TJP1: variants seen among roughly 807,000 people sequenced by gnomAD.
TJP1 encodes the protein tight junction protein 1.
TJP1 carries 43 observed loss-of-function variants against 194.2 expected under a neutral mutation model. That is an observed-to-expected ratio of 0.22 (90% CI 0.17 to 0.29). The LOEUF is 0.29. Among genes scored for constraint, TJP1 ranks in the 10% least tolerant of loss-of-function variants. The pLI is 1.00. For synonymous variants in TJP1, 801 were observed against 779.0 expected (o/e 1.03, Z -0.47); for missense variants, 1,971 against 2,185.7 (o/e 0.90, Z 1.96).
chr15:29,966,899 T>C (rs1215829432), intron 1 of TJP1, among the ~76,000 whole-genome samples: 1 of 152,214 alleles, frequency 6.6e-6, no homozygotes, highest in East Asian at 1.9e-4. Context: ...CCCTTCTTCC[T>C]TCACTGTAGT....
At chr15:29,841,314 A>G (rs1450574433) in intron 2 of TJP1, among the ~76,000 whole-genome samples, 2 of 152,296 alleles carry the variant, frequency 1.3e-5, no homozygotes, top group Admixed American at 6.5e-5. Flanking sequence ...ATTCAGGGGG[A>G]AAATATTTCA....
At chr15:29,918,630 C>T (rs923877022) in intron 2 of TJP1, among the ~76,000 whole-genome samples, 4 of 151,802 alleles carry the variant, frequency 2.6e-5, no homozygotes, top group East Asian at 1.9e-4. Flanking sequence ...TCCAGCTACT[C>T]GGGAGGCTGA....
intron 2 of TJP1, among the ~76,000 whole-genome samples, chr15:29,905,792 A>G (rs1018146684): frequency 6.6e-6 from 1 of 152,250 alleles, no homozygotes; most frequent in Non-Finnish European, 1.5e-5. Context: ...TATGATTCCA[A>G]CTATCTGACA....
chr15:29,797,739 C>T (rs925500577), intron 2 of TJP1, among the ~76,000 whole-genome samples: 3 of 152,062 alleles, frequency 2.0e-5, no homozygotes, highest in Non-Finnish European at 4.4e-5. Flanking sequence ...ACTACTGCAA[C>T]TCAACAACTA....
intron 27 of TJP1, among the ~76,000 whole-genome samples, chr15:29,702,494 A>G (rs2041612098): frequency 6.6e-6 from 1 of 152,216 alleles, no homozygotes. Context: ...TTACAGAAGT[A>G]GCTCTCAAAC....
At chr15:29,944,786 T>C (rs2055217237) in intron 2 of TJP1, among the ~76,000 whole-genome samples, 1 of 152,234 alleles carries the variant, frequency 6.6e-6, no homozygotes, top group Admixed American at 6.5e-5. Flanking sequence ...TTTTTGTTTA[T>C]TTTATAAAGT....
At chr15:29,788,252 G>A (rs2047833363) in intron 2 of TJP1, among the ~76,000 whole-genome samples, 2 of 152,046 alleles carry the variant, frequency 1.3e-5, no homozygotes, top group African/African-American at 4.8e-5. Context: ...TTCCCATTCT[G>A]TGGAATATCT....
chr15:29,746,821 T>C (rs192401471), intron 8 of TJP1, among the ~76,000 whole-genome samples: 3 of 152,284 alleles, frequency 2.0e-5, no homozygotes, highest in East Asian at 3.9e-4. Flanking sequence ...GTTTCTATTT[T>C]TGTATTCTTT....
intron 2 of TJP1, among the ~76,000 whole-genome samples, chr15:29,846,483 C>T (rs1210577245): frequency 6.6e-6 from 1 of 151,956 alleles, no homozygotes; most frequent in African/African-American, 2.4e-5. Flanking sequence ...GAAGGGAGAC[C>T]TGGATAAAAG....
intron 2 of TJP1, among the ~76,000 whole-genome samples, chr15:29,881,963 A>G (rs1376684898): frequency 1.3e-5 from 2 of 151,516 alleles, no homozygotes; most frequent in African/African-American, 2.4e-5. Flanking sequence ...ATAGATATAT[A>G]TATTTTTAGT....
chr15:29,822,492 T>C (rs1165415984), upstream of TJP1: 2 of 982,216 alleles, frequency 2.0e-6, no homozygotes, highest in East Asian at 2.4e-4. Flanking sequence ...CCCGGCCCAC[T>C]GAGCATGCCC....
Position 29,772,113 on chromosome 15 carries a change from T to C in TJP1, c.263A>G (p.His88Arg). The change falls in exon 4 of 28, where the codon CAT (histidine) becomes CGT (arginine). Residue 88 changes from histidine (H) to arginine (R), a missense_variant. This residue lies in a region of TJP1 where 245 missense variants were observed against 336.6 expected (regional missense o/e 0.73). Coordinates refer to ENST00000614355, the MANE Select transcript of TJP1 (RefSeq NM_001330239.4). ...VNGVSMDNVE[H>R]AFAVQQLRKS... is the part of the protein sequence containing the mutation. ...CCTTAGTTGCTGAACAGCAAAAGCA[T>C]GTTCAACATTATCCATTGAAACTCC... 1.2e-6 allele frequency: 2 copies of C among 1,606,138 alleles called. No homozygotes were observed. Among genetic ancestry groups the C allele is most frequent in the Non-Finnish European group, 8.5e-7 (1 of 1,177,678 alleles).
intron 2 of TJP1, among the ~76,000 whole-genome samples, chr15:29,844,289 G>A (rs756754085): frequency 1.9e-4 from 29 of 152,080 alleles, no homozygotes; most frequent in South Asian, 4.1e-4. Flanking sequence ...GGCTGATCTC[G>A]AACACCTGAC....
At chr15:29,717,855 T>C (rs139504904) in intron 22 of TJP1, among the ~76,000 whole-genome samples, 166 bp downstream of exon 22, 9 of 152,276 alleles carry the variant, frequency 5.9e-5, no homozygotes, top group African/African-American at 1.9e-4. Context: ...TTCTACTTTT[T>C]TTCCCCCTAG....
In TJP1 at chr15:29,703,646, C is replaced by A. The variant is rs183049140; in HGVS notation, c.5212+516G>T. 2.0e-3 allele frequency among the ~76,000 whole-genome samples: 296 copies of A among 151,358 alleles called. 3 individuals carry two copies. The highest frequency in any genetic ancestry group is 6.1e-3 in the African/African-American group (252 of 41,296). On this transcript the variant is annotated intron_variant, in intron 27 of 27. Transcript: ENST00000614355. Reference sequence around the variant, plus strand: ...AATAGTCAATATTTGGCCATATTATCAAAAAAAAATTTTTTTGAGACGGTC... The same window carrying A: ...AATAGTCAATATTTGGCCATATTATAAAAAAAAAATTTTTTTGAGACGGTC...
At chr15:29,927,150 T>A (rs900639265) in intron 2 of TJP1, among the ~76,000 whole-genome samples, 1 of 152,142 alleles carries the variant, frequency 6.6e-6, no homozygotes, top group African/African-American at 2.4e-5. Context: ...TGAAACCCCA[T>A]CTGTACTAAA....
At position 29,878,285 on chromosome 15, in the gene TJP1, C is replaced by T. The variant is rs545915423; in HGVS notation, c.307-77583G>A. 1.2e-3 allele frequency among the ~76,000 whole-genome samples: 182 copies of T among 152,122 alleles called. 1 individual carries two copies. The highest frequency in any genetic ancestry group is 5.6e-4 in the Non-Finnish European group (38 of 67,994). On this transcript the variant is annotated intron_variant, in intron 2 of 28. Transcript: ENST00000356107. ...CAGGATGGTCTCGATCTCCTGACTC[C>T]GTGATCCGCCCGCCTCGGCCTCCCA...
chr15:29,912,363 A>C (rs76706330), intron 2 of TJP1, among the ~76,000 whole-genome samples: 1,544 of 152,336 alleles, frequency 0.01, 26 homozygotes, highest in African/African-American at 0.035. Context: ...ATTAGGTAGA[A>C]CCACACAAAA....
rs1278954135 is a variant in TJP1, at chr15:29,902,906, C to T, written c.306+53326G>A. The stretch of plus-strand genomic sequence containing the variant: ...AAAATTAGCCAGGCGTGGCGGCGGG[C>T]GCCTGTAATCCCAGCTACTCGGGAA... On this transcript the variant is annotated intron_variant, in intron 2 of 28. Coordinates refer to the TJP1 transcript ENST00000356107. Among the ~76,000 whole-genome samples, 6 of 151,998 alleles carry T rather than the reference C, an allele frequency of 3.9e-5. No individual in the cohort carries two copies. The East Asian group carries it at 7.7e-4, about 20-fold the overall frequency.
Sources: allele counts gnomAD v4.1 joint callset (sites outside exome capture counted in the v4.1 genomes callset), GRCh38; gene constraint gnomAD v4.1.1; regional missense constraint gnomAD v4.1.1; transcripts MANE v1.5; gene names NCBI Gene and HGNC (gene_info 2026-07-23, HGNC 2026-07-21).